SHISA6: variants seen among roughly 807,000 people sequenced by gnomAD.
SHISA6 encodes protein shisa-6.
SHISA6 carries 22 observed loss-of-function variants against 47.9 expected under a neutral mutation model. That is an observed-to-expected ratio of 0.46 (90% CI 0.33 to 0.66). The LOEUF (loss-of-function observed/expected upper bound fraction) is 0.66, where lower values mean the gene tolerates loss of function less well. Among genes scored for constraint, SHISA6 ranks in the 30% least tolerant of loss-of-function variants. The pLI is 0.02. For synonymous variants in SHISA6, 388 were observed against 337.8 expected, an observed-to-expected ratio of 1.15 and a Z score of -1.63; for missense variants, 680 against 764.6, an observed-to-expected ratio of 0.89 and a Z score of 1.30.
chr17:11,502,861 T>C (rs544415828), intron 3 of SHISA6, among the ~76,000 whole-genome samples: 2 of 152,342 alleles, frequency 1.3e-5, no homozygotes, highest in South Asian at 4.1e-4. Context: ...AAGTCTGCCA[T>C]GAACAGAACA....
intron 3 of SHISA6, among the ~76,000 whole-genome samples, chr17:11,486,116 G>C (rs185413174): frequency 2.4e-4 from 36 of 152,304 alleles, no homozygotes; most frequent in Admixed American, 7.8e-4. Context: ...CTCTGCCGCA[G>C]CTCACTGTGA....
rs117095052 is a variant in SHISA6 at position 11,455,852 on chromosome 17, A to G, written c.895+76343A>G. ...TGGTCATCGAAAAGCTCTTGGGAGTACCTTTGCACTCAAAGCAATACACAT... is the reference window on the plus strand; with the variant it reads ...TGGTCATCGAAAAGCTCTTGGGAGTGCCTTTGCACTCAAAGCAATACACAT... On this transcript the variant is annotated intron_variant, in intron 3 of 5. Transcript: ENST00000441885. Among the ~76,000 whole-genome samples the G allele has an allele frequency of 2.9e-3, 449 of 152,250 alleles. 3 individuals carry two copies. The Middle Eastern group carries it at 0.031, about 10-fold the overall frequency.
intron 3 of SHISA6, among the ~76,000 whole-genome samples, chr17:11,529,682 G>A (rs1485298554): frequency 6.6e-6 from 1 of 152,132 alleles, no homozygotes; most frequent in East Asian, 1.9e-4. Context: ...TACTGATAAA[G>A]TTGACTATAT....
At position 11,395,984 on chromosome 17, in the gene SHISA6, A is replaced by G. The variant is rs555496009; in HGVS notation, c.895+16475A>G. Reference sequence around the variant, plus strand: ...CCATTAAGATCCTGTCTTTATGACTAAGGTAGATAGACAGAGATGCTAGAT... The same window carrying G: ...CCATTAAGATCCTGTCTTTATGACTGAGGTAGATAGACAGAGATGCTAGAT... On this transcript the variant is annotated intron_variant, in intron 3 of 5. Transcript: ENST00000441885. Among the ~76,000 whole-genome samples, 3 of 152,336 alleles carry G rather than the reference A, an allele frequency of 2.0e-5. No individual in the cohort carries two copies. In the East Asian group the frequency reaches 5.8e-4, roughly 29 times the overall value.
intron 2 of SHISA6, among the ~76,000 whole-genome samples, chr17:11,312,287 T>G (rs534322086): frequency 6.6e-6 from 1 of 152,322 alleles, no homozygotes; most frequent in Admixed American, 6.5e-5. Flanking sequence ...TATTATCATG[T>G]TTTTGTTTAA....
At chr17:11,554,985 TC>T (rs1209459355) in intron 4 of SHISA6, among the ~76,000 whole-genome samples, 1 of 151,958 alleles carries the variant, frequency 6.6e-6, no homozygotes, top group Non-Finnish European at 1.5e-5. Context: ...TGAACAACAC[TC>T]CTTTCCATCT....
intron 2 of SHISA6, among the ~76,000 whole-genome samples, chr17:11,281,114 C>T (rs542567530): frequency 6.6e-6 from 1 of 152,232 alleles, no homozygotes; most frequent in South Asian, 2.1e-4. Context: ...GCAAGTAAAG[C>T]TAGTTTTACT....
chr17:11,445,593 T>C (rs1915206234), intron 3 of SHISA6, among the ~76,000 whole-genome samples: 1 of 152,204 alleles, frequency 6.6e-6, no homozygotes, highest in Non-Finnish European at 1.5e-5. Flanking sequence ...TAAAATCCAA[T>C]CTTATTCAGT....
intron 1 of SHISA6, among the ~76,000 whole-genome samples, chr17:11,245,216 A>G (rs1907529312): frequency 6.6e-6 from 1 of 152,242 alleles, no homozygotes; most frequent in Non-Finnish European, 1.5e-5. Context: ...AGAGATGGGC[A>G]CAGGATTGAA....
chr17:11,242,041 C>G lies in SHISA6; in HGVS notation c.619C>G (p.Arg207Gly), dbSNP rs1422242613. The change falls in exon 1 of 6, where the codon CGG (arginine) becomes GGG (glycine). Residue 207 changes from arginine (R) to glycine (G), a missense_variant. Physicochemically the swap from Arg to Gly is moderately radical, Grantham distance 125. Coordinates refer to ENST00000441885, the MANE Select transcript of SHISA6 (RefSeq NM_207386.4). The stretch of plus-strand genomic sequence containing the variant: ...CTACGACAAGGCCCACCGCCCTCCA[C>G]GGGAGATGAACATCCACAGGTGAGA... ...VSYDKAHRPP[R>G]EMNIHRALAD... 3 of 1,550,754 alleles carry G rather than the reference C, an allele frequency of 1.9e-6. No homozygotes were observed. The highest frequency in any genetic ancestry group is 2.4e-5 in the East Asian group (1 of 40,896).
intron 2 of SHISA6, among the ~76,000 whole-genome samples, 168 bp downstream of exon 2, chr17:11,263,694 G>C (rs1352531171): frequency 6.6e-6 from 1 of 152,130 alleles, no homozygotes; most frequent in African/African-American, 2.4e-5. Context: ...GGTGAGTTTG[G>C]AATGGGCAAG....
At chr17:11,482,632 T>A (rs969628279) in intron 3 of SHISA6, among the ~76,000 whole-genome samples, 1 of 152,204 alleles carries the variant, frequency 6.6e-6, no homozygotes, top group Non-Finnish European at 1.5e-5. Context: ...GTCTAAATAA[T>A]TATTGTCAAT....
At chr17:11,529,349 C>G (rs2071713821) in intron 3 of SHISA6, among the ~76,000 whole-genome samples, 2 of 152,138 alleles carry the variant, frequency 1.3e-5, no homozygotes, top group South Asian at 4.1e-4. Flanking sequence ...AGCCAACAAA[C>G]TATGCTGTCT....
rs1914944607 is a variant in SHISA6, at chr17:11,436,510, T to C, written c.895+57001T>C. 2.0e-5 allele frequency among the ~76,000 whole-genome samples: 3 copies of C among 152,322 alleles called. No individual in the cohort carries two copies. The South Asian group carries it at 6.2e-4, about 32-fold the overall frequency. On this transcript the variant is annotated intron_variant, in intron 3 of 5. Transcript: ENST00000441885. ...GATTTCTGACTCCACCACATCCCTA[T>C]TCTTTATCAGATCTCTATTATTCAC...
In SHISA6 at chr17:11,241,950, C is replaced by A. The variant is rs1189767762; in HGVS notation, c.528C>A (p.Phe176Leu). The A allele has an allele frequency of 6.4e-7, 1 of 1,551,030 alleles. No homozygotes were observed. Among genetic ancestry groups the A allele is most frequent in the South Asian group, 1.2e-5 (1 of 84,066 alleles). ...KYDPEKDKTN[F>L]TVYITCGVIA... is the part of the protein sequence containing the mutation. ...ACCCGGAGAAGGACAAGACCAACTT[C>A]ACCGTCTACATCACCTGCGGGGTGA... Residue 176 changes from phenylalanine to leucine, a missense_variant, in exon 1 of 6, where the codon TTC (phenylalanine) becomes TTA (leucine). Phe to Leu is a conservative substitution (Grantham distance 22). Transcript: ENST00000441885. This position sits in a 1 kb window ranked among gnomAD's most constrained non-coding sequence, Gnocchi z 5.5.
Position 11,465,228 on chromosome 17 carries a change from T to A in SHISA6, c.895+85719T>A, listed in dbSNP as rs1009910464. 7.2e-5 allele frequency among the ~76,000 whole-genome samples: 11 copies of A among 152,294 alleles called. 1 individual carries two copies. Among genetic ancestry groups the A allele is most frequent in the Middle Eastern group, 3.4e-3 (1 of 294 alleles). ...TTTCTGTCCCCTCTGTGTTCTCACC[T>A]CCAGCCTACTGAATCCTACAAGGCC... On this transcript the variant is annotated intron_variant, in intron 3 of 5. Coordinates refer to ENST00000441885, the MANE Select transcript of SHISA6 (RefSeq NM_207386.4).
chr17:11,277,278 T>TCA lies in SHISA6; in HGVS notation c.799+13753_799+13754insAC, dbSNP rs1385591802. Reference sequence around the variant, plus strand: ...CTCTCTCTCTCTCTCTCTCTCTCTCTCTCACACACACACACACACACACAC... The same window carrying TCA: ...CTCTCTCTCTCTCTCTCTCTCTCTCTCACTCACACACACACACACACACACAC... On this transcript the variant is annotated intron_variant, in intron 2 of 5. Transcript: ENST00000441885. 6.1e-4 allele frequency among the ~76,000 whole-genome samples: 32 copies of TCA among 52,662 alleles called. No homozygotes were observed. In the East Asian group the frequency reaches 7.8e-3, roughly 13 times the overall value. The allele number at this position is 52,662 out of a possible 152,430, so 34.5% of individuals were successfully genotyped here.
intron 2 of SHISA6, among the ~76,000 whole-genome samples, chr17:11,369,035 G>C (rs552420800): frequency 1.3e-5 from 2 of 152,310 alleles, no homozygotes; most frequent in South Asian, 4.1e-4. Flanking sequence ...AGATAATTTA[G>C]AAAGCATGAA....
chr17:11,425,210 C>T (rs1471130101), intron 3 of SHISA6, among the ~76,000 whole-genome samples: 5 of 151,690 alleles, frequency 3.3e-5, no homozygotes, highest in Non-Finnish European at 7.4e-5. Context: ...AAAGAGGTAA[C>T]TCAACATGGT....
Sources: gnomAD v4.1 joint callset for allele counts (sites outside exome capture counted in the v4.1 genomes callset) on GRCh38, gnomAD v4.1.1 for gene constraint, Gnocchi (gnomAD v3.1) non-coding constraint, MANE v1.5 for transcripts, NCBI Gene and HGNC (gene_info 2026-07-23, HGNC 2026-07-21) for gene names.